The following ANKRD45 variants were observed in gnomAD, a reference collection of about 807,000 sequenced individuals.
The protein encoded by ANKRD45 is ankyrin repeat domain 45.
In ANKRD45, 21 loss-of-function variants were observed where a neutral mutation model predicts 28.1. That is an observed-to-expected ratio of 0.75 (90% CI 0.53 to 1.08). ANKRD45 has a LOEUF of 1.08. ANKRD45 is among the 50% of genes least tolerant of loss of function. ANKRD45 has a pLI of 0.00. For missense variants in ANKRD45, 261 were observed against 308.7 expected, an observed-to-expected ratio of 0.85 and a Z score of 1.16; for synonymous variants, 86 against 103.9, an observed-to-expected ratio of 0.83 and a Z score of 1.05.
chr1:173,621,881 A>T (rs927331679), intron 5 of ANKRD45, among the ~76,000 whole-genome samples: 3 of 152,188 alleles, frequency 2.0e-5, no homozygotes, highest in African/African-American at 7.2e-5. Flanking sequence ...TTGTTTGCAG[A>T]TGACATGATC....
At chr1:173,681,370 TTAAGA>T in the ANKRD45 span, among the ~76,000 whole-genome samples, 8 of 152,182 alleles carry the variant, frequency 5.3e-5, no homozygotes, top group Non-Finnish European at 7.4e-5. Context: ...GCTAGCTTAT[TTAAGA>T]TTTTACTGAA....
chr1:173,614,164 C>G (rs1667354755), intron 5 of ANKRD45, among the ~76,000 whole-genome samples: 1 of 152,082 alleles, frequency 6.6e-6, no homozygotes, highest in African/African-American at 2.4e-5. Flanking sequence ...CTAGGAAAAC[C>G]AGAGACCTTT....
the ANKRD45 span, among the ~76,000 whole-genome samples, chr1:173,696,124 CA>C: frequency 3.9e-5 from 6 of 152,246 alleles, no homozygotes; most frequent in African/African-American, 1.2e-4. Flanking sequence ...TTTTATGGCT[CA>C]GGGGGCATGA....
the ANKRD45 span, among the ~76,000 whole-genome samples, chr1:173,713,860 G>T: frequency 4.6e-5 from 7 of 152,082 alleles, no homozygotes; most frequent in Non-Finnish European, 1.0e-4. Context: ...TAATATAACT[G>T]ATTTGAGTAA....
the ANKRD45 span, among the ~76,000 whole-genome samples, chr1:173,681,122 A>C: frequency 2.6e-5 from 4 of 152,164 alleles, no homozygotes; most frequent in Non-Finnish European, 4.4e-5. Flanking sequence ...CCAGAAGTTA[A>C]AGTATAATTT....
the ANKRD45 span, among the ~76,000 whole-genome samples, chr1:173,703,587 A>T: frequency 6.6e-6 from 1 of 152,144 alleles, no homozygotes; most frequent in Non-Finnish European, 1.5e-5. Flanking sequence ...TTCACCTTCC[A>T]GCCAAGCCAT....
At chr1:173,634,245 C>T (rs948136884) in intron 3 of ANKRD45, among the ~76,000 whole-genome samples, 12 of 151,980 alleles carry the variant, frequency 7.9e-5, no homozygotes, top group African/African-American at 2.9e-4. Flanking sequence ...CATCACTGAT[C>T]ATCCAGAGAA....
the ANKRD45 span, among the ~76,000 whole-genome samples, chr1:173,682,324 C>T: frequency 6.6e-6 from 1 of 152,020 alleles, no homozygotes; most frequent in East Asian, 1.9e-4. Context: ...TTTAAAAACC[C>T]AAGAGTAAAC....
chr1:173,671,209 C>T (rs1670244662), upstream of ANKRD45, among the ~76,000 whole-genome samples: 1 of 151,988 alleles, frequency 6.6e-6, no homozygotes, highest in South Asian at 2.1e-4. Flanking sequence ...CCTCTGACTT[C>T]TGTGAGTCTT....
At chr1:173,622,884 T>G (rs537739092) in intron 5 of ANKRD45, among the ~76,000 whole-genome samples, 2 of 151,930 alleles carry the variant, frequency 1.3e-5, no homozygotes, top group Admixed American at 1.3e-4. Context: ...TACAGAAAAT[T>G]TTTGCAATCT....
intron 1 of ANKRD45, among the ~76,000 whole-genome samples, chr1:173,667,088 C>T (rs897804188): frequency 6.6e-6 from 1 of 152,100 alleles, no homozygotes; most frequent in Non-Finnish European, 1.5e-5. Context: ...CATGTGTTGG[C>T]CAACGACTTC....
At chr1:173,629,710 G>A (rs1458944663) in intron 3 of ANKRD45, among the ~76,000 whole-genome samples, 3 of 152,016 alleles carry the variant, frequency 2.0e-5, no homozygotes, top group Non-Finnish European at 2.9e-5. Context: ...CCTTAAAGAG[G>A]AGGTAGAGAG....
At chr1:173,667,144 G>T (rs555952894) in intron 1 of ANKRD45, among the ~76,000 whole-genome samples, 1 of 152,128 alleles carries the variant, frequency 6.6e-6, no homozygotes, top group Non-Finnish European at 1.5e-5. Flanking sequence ...ATGAAAGTGG[G>T]CTTTTAAAAA....
chr1:173,666,557 A>G (rs939128936), intron 1 of ANKRD45, among the ~76,000 whole-genome samples: 1 of 152,164 alleles, frequency 6.6e-6, no homozygotes, highest in East Asian at 1.9e-4. Context: ...TGTAAATGCT[A>G]TGTAAATAGT....
chr1:173,682,687 A>G, the ANKRD45 span, among the ~76,000 whole-genome samples: 56 of 54,922 alleles, frequency 1.0e-3, no homozygotes, highest in East Asian at 4.6e-3. Context: ...TTTTAAATAC[A>G]CACACACACA....
Position 173,635,859 on chromosome 1 carries a change from A to C in ANKRD45, c.497-8700T>G, listed in dbSNP as rs924991206. On this transcript the variant is annotated intron_variant, in intron 3 of 5. Coordinates refer to ENST00000333279, the MANE Select transcript of ANKRD45 (RefSeq NM_198493.3). Reference sequence around the variant, plus strand: ...CACCAAAAAAAGGTGAATTCGTGATACAAGTAGTAATAGTTACAAAATCTC... The same window carrying C: ...CACCAAAAAAAGGTGAATTCGTGATCCAAGTAGTAATAGTTACAAAATCTC... 3.3e-6 allele frequency: 5 copies of C among 1,494,888 alleles called. No homozygotes were observed. The African/African-American group carries it at 7.0e-5, about 21-fold the overall frequency. 92.6% of individuals were successfully genotyped at this position (1,494,888 alleles called of 1,614,324 possible).
At chr1:173,636,870 A>G in intron 3 of ANKRD45, 5 of 1,535,880 alleles carry the variant, frequency 3.3e-6, no homozygotes, top group Non-Finnish European at 4.4e-6. Context: ...AATGATCTAG[A>G]AAGCCCATTG....
At chr1:173,711,663 T>C in the ANKRD45 span, among the ~76,000 whole-genome samples, 2 of 152,204 alleles carry the variant, frequency 1.3e-5, no homozygotes, top group African/African-American at 2.4e-5. Flanking sequence ...CTAAATAAAA[T>C]CTATTTCATG....
chr1:173,648,673 A>G (rs1669040971), intron 2 of ANKRD45, among the ~76,000 whole-genome samples: 1 of 152,210 alleles, frequency 6.6e-6, no homozygotes, highest in African/African-American at 2.4e-5. Context: ...AGAGTGTATC[A>G]TCAAGTCCTA....
Sources: allele counts gnomAD v4.1 joint callset (sites outside exome capture counted in the v4.1 genomes callset), GRCh38; gene constraint gnomAD v4.1.1; transcripts MANE v1.5; gene names NCBI Gene and HGNC (gene_info 2026-07-23, HGNC 2026-07-21).